The following RP1L1 variants were observed in gnomAD, a reference collection of about 807,000 sequenced individuals.
RP1L1 encodes the protein retinitis pigmentosa 1-like 1 protein.
RP1L1 carries 27 observed loss-of-function variants against 15.7 expected under a neutral mutation model. That is an observed-to-expected ratio of 1.72 (90% CI 1.27 to 2.38). The LOEUF is 2.38. Among genes scored for constraint, RP1L1 ranks in the 30% most tolerant of loss-of-function variants. The probability of loss-of-function intolerance (pLI) is 0.00; values close to 1 mark genes in which losing one functional copy is unlikely to be tolerated. For synonymous variants in RP1L1, 1,813 were observed against 1,276.7 expected (o/e 1.42, Z -8.96); for missense variants, 4,798 against 3,075.9 (o/e 1.56, Z -13.24).
rs1479287909 is a variant in RP1L1 at position 10,612,331 on chromosome 8, C to A, written c.1767G>T (p.Leu589=). Residue 589 remains leucine (L), a synonymous_variant, in exon 4 of 4, where the codon CTG becomes CTT. Transcript: ENST00000382483. The part of the protein sequence containing the change: ...LSLSSLRSDD[L]QAETQGQGTE... ...TGCCCTGTCCTTGCGTCTCTGCCTG[C>A]AGGTCGTCACTCCTTAAAGATGAAA... 6.2e-7 allele frequency: 1 copy of A among 1,613,232 alleles called. No individual in the cohort carries two copies. The highest frequency in any genetic ancestry group is 8.5e-7 in the Non-Finnish European group (1 of 1,180,030).
intron 1 of RP1L1, among the ~76,000 whole-genome samples, chr8:10,626,472 C>T (rs1478349096): frequency 4.6e-5 from 7 of 152,204 alleles, no homozygotes; most frequent in African/African-American, 1.7e-4. Context: ...TGCAGGCATG[C>T]AGCAGGGAGC....
At chr8:10,647,556 C>G (rs1304961818) in intron 1 of RP1L1, among the ~76,000 whole-genome samples, 1 of 152,176 alleles carries the variant, frequency 6.6e-6, no homozygotes, top group Non-Finnish European at 1.5e-5. Flanking sequence ...AATCTGACAC[C>G]TCTAGGAACT....
At chr8:10,648,119 C>T (rs1255357891) in intron 1 of RP1L1, among the ~76,000 whole-genome samples, 1 of 152,022 alleles carries the variant, frequency 6.6e-6, no homozygotes, top group Admixed American at 6.6e-5. Flanking sequence ...GCAACCTCCA[C>T]CTCTTGGGTT....
At chr8:10,653,459 A>AACACACACACACACACACACACAC (rs57172931) in intron 1 of RP1L1, among the ~76,000 whole-genome samples, 2 of 148,716 alleles carry the variant, frequency 1.3e-5, no homozygotes, top group Non-Finnish European at 1.5e-5. Context: ...GTCTCCCTCC[A>AACACACACACACACACACACACAC]ACACACACAC....
intron 1 of RP1L1, among the ~76,000 whole-genome samples, chr8:10,635,048 C>T (rs112874957): frequency 0.015 from 2,209 of 152,298 alleles, 24 homozygotes; most frequent in Non-Finnish European, 0.023. Context: ...TGAGCTTTGC[C>T]GCATTAACAT....
At chr8:10,635,797 C>T (rs188683306) in intron 1 of RP1L1, among the ~76,000 whole-genome samples, 6 of 152,172 alleles carry the variant, frequency 3.9e-5, no homozygotes, top group African/African-American at 1.4e-4. Flanking sequence ...GGAACTAATC[C>T]AAGATAAATA....
chr8:10,644,727 T>G (rs748883949), intron 1 of RP1L1, among the ~76,000 whole-genome samples: 21 of 152,124 alleles, frequency 1.4e-4, no homozygotes, highest in Non-Finnish European at 2.2e-4. Flanking sequence ...CACCCACAGC[T>G]CTCACACCAG....
chr8:10,652,896 A>G (rs1798583509), intron 1 of RP1L1, among the ~76,000 whole-genome samples: 1 of 152,146 alleles, frequency 6.6e-6, no homozygotes, highest in African/African-American at 2.4e-5. Context: ...AATGTTACCT[A>G]AAGTATTTTC....
Position 10,613,287 on chromosome 8 carries a change from T to A in RP1L1, c.811A>T (p.Thr271Ser). Residue 271 changes from threonine (T) to serine (S), a missense_variant, in exon 4 of 4, where the codon ACG (threonine) becomes TCG (serine). Physicochemically the swap from Thr to Ser is moderately conservative, Grantham distance 58. Transcript: ENST00000382483. ...CCAGGCCTTTCTGGCAGCCGTGGCG[T>A]GCTGCCTGGCGGAGACCGCGAATGG... ...VIHSRSPPGSTPRLPERPGPS... is the reference protein window; with the variant it reads ...VIHSRSPPGSSPRLPERPGPS... 1 of 1,606,286 alleles carries A rather than the reference T, an allele frequency of 6.2e-7. No homozygotes were observed. The highest frequency in any genetic ancestry group is 8.5e-7 in the Non-Finnish European group (1 of 1,179,984).
intron 1 of RP1L1, among the ~76,000 whole-genome samples, chr8:10,649,433 T>C (rs1798526712): frequency 6.6e-6 from 1 of 152,180 alleles, no homozygotes; most frequent in Non-Finnish European, 1.5e-5. Flanking sequence ...GAAATACCCA[T>C]GGCTAGCTGA....
chr8:10,621,808 G>C (rs765589644), intron 2 of RP1L1: 4 of 487,360 alleles, frequency 8.2e-6, no homozygotes, highest in Middle Eastern at 3.2e-4. Flanking sequence ...GCATGTCCTT[G>C]AACTCAATAA....
Position 10,631,386 on chromosome 8 carries a change from T to C in RP1L1, c.-19-8166A>G, listed in dbSNP as rs866993980. ...AAACACACATGCACACAAACACACA[T>C]GCACACACACGCACACACACGCACA... On this transcript the variant is annotated intron_variant, in intron 1 of 3. Transcript: ENST00000382483. Among the ~76,000 whole-genome samples the C allele has an allele frequency of 6.8e-3, 483 of 71,296 alleles. 20 individuals carry two copies. The highest frequency in any genetic ancestry group is 0.053 in the Admixed American group (442 of 8,310). The allele number at this position is 71,296 out of a possible 152,430, so 46.8% of individuals were successfully genotyped here.
chr8:10,650,676 C>T (rs1798546271), intron 1 of RP1L1, among the ~76,000 whole-genome samples: 1 of 151,980 alleles, frequency 6.6e-6, no homozygotes, highest in Non-Finnish European at 1.5e-5. Context: ...CTTCTTCTGC[C>T]TCAGCCTCCC....
chr8:10,607,345 C>T lies in RP1L1; in HGVS notation c.6753G>A (p.Gly2251=), dbSNP rs754123662. The change falls in exon 4 of 4, where the codon GGG becomes GGA. Residue 2251 remains glycine (G), a synonymous_variant. Transcript: ENST00000382483. ...SEGETQGEKK[G]SPQVSLGDGQ... ...CATCTCCTAGACTGACCTGAGGGCT[C>T]CCCTTTTTCTCACCTTGAGTTTCTC... is the stretch of plus-strand genomic sequence containing the variant. 3 of 1,614,032 alleles carry T rather than the reference C, an allele frequency of 1.9e-6. No homozygotes were observed. The highest frequency in any genetic ancestry group is 1.7e-6 in the Non-Finnish European group (2 of 1,179,990).
chr8:10,613,397 G>A (rs776764405), intron 3 of RP1L1, 51 bp from the exon 4 acceptor site: 11 of 1,597,526 alleles, frequency 6.9e-6, no homozygotes, highest in Non-Finnish European at 5.9e-6. Flanking sequence ...GTGAGCCATG[G>A]GGGCAGCATC....
intron 1 of RP1L1, among the ~76,000 whole-genome samples, chr8:10,636,988 C>A (rs1320345788): frequency 6.6e-6 from 1 of 152,236 alleles, no homozygotes; most frequent in Non-Finnish European, 1.5e-5. Flanking sequence ...GACAGCAGGG[C>A]TCTACGTGGG....
Position 10,611,424 on chromosome 8 carries a change from TC to T in RP1L1, c.2673del (p.Thr892HisfsTer37). 1 of 1,583,512 alleles carries T rather than the reference TC, an allele frequency of 6.3e-7. No homozygotes were observed. The highest frequency in any genetic ancestry group is 8.6e-7 in the Non-Finnish European group (1 of 1,167,128). On this transcript the variant is annotated frameshift_variant, in exon 4 of 4. Transcript: ENST00000382483. LOFTEE classifies it low-confidence loss of function (END_TRUNC). Reference protein sequence around the residue: ...ARGPGGSPQEGTRQPGPTPSP... With the variant: ...ARGPGGSPQEXTRQPGPTPSP... Reference sequence around the variant, plus strand: ...GACGGCGTGGGGCCTGGCTGGCGTGTCCCCTCCTGCGGGCTCCCACCTGGCC... The same window carrying T: ...GACGGCGTGGGGCCTGGCTGGCGTGTCCCTCCTGCGGGCTCCCACCTGGCC...
chr8:10,631,399 A>G (rs1409942325), intron 1 of RP1L1, among the ~76,000 whole-genome samples: 3 of 147,686 alleles, frequency 2.0e-5, no homozygotes, highest in Admixed American at 6.7e-5. Flanking sequence ...ACACACACGC[A>G]CACACACGCA....
intron 2 of RP1L1, chr8:10,621,847 C>A: frequency 1.1e-5 from 5 of 452,158 alleles, no homozygotes; most frequent in South Asian, 7.8e-5. Context: ...GAGGTAGTAG[C>A]TTCCTGCACA....
Sources: gnomAD v4.1 joint callset for allele counts (sites outside exome capture counted in the v4.1 genomes callset) on GRCh38, gnomAD v4.1.1 for gene constraint, MANE v1.5 for transcripts, NCBI Gene and HGNC (gene_info 2026-07-23, HGNC 2026-07-21) for gene names.